The following BCL11B variants were observed in gnomAD, a reference collection of about 807,000 sequenced individuals.
BCL11B encodes the protein BCL11 transcription factor B.
BCL11B carries 8 observed loss-of-function variants against 49.9 expected under a neutral mutation model. The ratio of observed to expected loss-of-function variants is 0.16; its 90% CI spans 0.09 to 0.29. The LOEUF (loss-of-function observed/expected upper bound fraction) is 0.29, where lower values mean the gene tolerates loss of function less well. Ranked by LOEUF, BCL11B falls within the 10% of genes least tolerant of loss-of-function variation. The pLI is 1.00. For synonymous variants in BCL11B, 739 were observed against 637.4 expected, an observed-to-expected ratio of 1.16 and a Z score of -2.40; for missense variants, 1,006 against 1,351.0, an observed-to-expected ratio of 0.74 and a Z score of 4.00.
Position 99,255,423 on chromosome 14 carries a change from A to C in BCL11B, c.427+2048T>G, listed in dbSNP as rs1440760363. Among the ~76,000 whole-genome samples the C allele has an allele frequency of 1.5e-4, 23 of 149,408 alleles. No individual in the cohort carries two copies. In the East Asian group the frequency reaches 1.7e-3, roughly 11 times the overall value. ...CAACCTGGAAAAAAAAAAAAAAAAA[A>C]AAAAAAAAAAAACAGGGGGGCCAGG... On this transcript the variant is annotated intron_variant, in intron 2 of 3. Transcript: ENST00000357195.
chr14:99,271,316 C>A lies in BCL11B; in HGVS notation c.-98G>T. The A allele has an allele frequency of 1.7e-6, 1 of 596,934 alleles. No individual in the cohort carries two copies. Among genetic ancestry groups the A allele is most frequent in the Non-Finnish European group, 2.3e-6 (1 of 441,526 alleles). 37.0% of individuals were successfully genotyped at this position (596,934 alleles called of 1,614,324 possible). A position where few individuals can be genotyped will look rare whatever the true frequency, so the allele number is the denominator to read the frequency against. On this transcript the variant is annotated 5_prime_UTR_variant, in exon 1 of 4. Transcript: ENST00000357195. Reference sequence around the variant, plus strand: ...CGCCGCCGCGCCGCTGCCGCCGCTGCCGCCGCCGCCGCCGCCGCCGCACCT... The same window carrying A: ...CGCCGCCGCGCCGCTGCCGCCGCTGACGCCGCCGCCGCCGCCGCCGCACCT...
intron 3 of BCL11B, among the ~76,000 whole-genome samples, chr14:99,198,455 G>T (rs1417400788): frequency 6.6e-6 from 1 of 152,176 alleles, no homozygotes; most frequent in African/African-American, 2.4e-5. Flanking sequence ...GAAGTGCCCT[G>T]ACATCATTAT....
rs568157680 is a variant in BCL11B at position 99,213,212 on chromosome 14, C to T, written c.640+18133G>A. ...GACCATGCCCAGGCTCTCGATGAGC[C>T]CCTGGAATGAAGAAGGGAGCCCCGG... On this transcript the variant is annotated intron_variant, in intron 3 of 3. Transcript: ENST00000357195. The surrounding 1 kb of genome is among the most constrained non-coding windows in gnomAD (Gnocchi z 5.1). Among the ~76,000 whole-genome samples, 41 of 152,170 alleles carry T rather than the reference C, an allele frequency of 2.7e-4. 1 individual carries two copies. The South Asian group carries it at 3.3e-3, about 12-fold the overall frequency.
At chr14:99,264,452 A>T (rs2139969068) in intron 1 of BCL11B, 1 of 152,324 alleles carries the variant, frequency 6.6e-6, no homozygotes, top group African/African-American at 2.4e-5. Context: ...TTTCAATAAA[A>T]TAAGTGGAAG....
intron 3 of BCL11B, among the ~76,000 whole-genome samples, chr14:99,176,890 A>G (rs900839822): frequency 1.3e-5 from 2 of 152,128 alleles, no homozygotes; most frequent in African/African-American, 4.8e-5. Context: ...GTTGTACAGA[A>G]ACACAAATCA....
chr14:99,216,569 C>T lies in BCL11B; in HGVS notation c.640+14776G>A, dbSNP rs573222882. Among the ~76,000 whole-genome samples the T allele has an allele frequency of 8.5e-5, 13 of 152,274 alleles. No individual in the cohort carries two copies. The South Asian group carries it at 2.7e-3, about 32-fold the overall frequency. ...GAGATTGGGGGCGGGGGCTCAGTCT[C>T]CCCCAGGAGGTACTAAGAAGGTGAA... On this transcript the variant is annotated intron_variant, in intron 3 of 3. Transcript: ENST00000357195.
chr14:99,176,702 C>T (rs1028869321), intron 3 of BCL11B, among the ~76,000 whole-genome samples: 2 of 152,072 alleles, frequency 1.3e-5, no homozygotes, highest in African/African-American at 4.8e-5. Flanking sequence ...CTGCGCATTG[C>T]AGGATGTTTA....
At chr14:99,251,462 A>G (rs1889005220) in intron 2 of BCL11B, among the ~76,000 whole-genome samples, 1 of 152,236 alleles carries the variant, frequency 6.6e-6, no homozygotes, top group Admixed American at 6.5e-5. Flanking sequence ...ACAGTCACAT[A>G]GCAAGACCCT....
chr14:99,176,381 C>T (rs748400936), intron 3 of BCL11B, among the ~76,000 whole-genome samples, 186 bp from the exon 4 acceptor site: 66 of 152,276 alleles, frequency 4.3e-4, no homozygotes, highest in Non-Finnish European at 7.4e-4. Flanking sequence ...GCTGGGGGGC[C>T]GAAGACGCAG....
chr14:99,190,453 A>G (rs1045589606), intron 3 of BCL11B, among the ~76,000 whole-genome samples: 1 of 152,262 alleles, frequency 6.6e-6, no homozygotes, highest in African/African-American at 2.4e-5. Flanking sequence ...GCACCATTGC[A>G]CTCCAGCCTG....
Position 99,231,348 on chromosome 14 carries a change from A to G in BCL11B, c.637T>C (p.Ser213Pro). ...EAPFGCQCQL[S>P]GKDEPSSYIC... ...CCACCGCGGCGTCGTCTGTTACCTG[A>G]CAACTGACACTGGCATCCAAAGGGA... The change falls in exon 3 of 4, where the codon TCA becomes CCA. Residue 213 changes from serine to proline, a missense_variant. Physicochemically the swap from Ser to Pro is moderately conservative, Grantham distance 74. Transcript: ENST00000357195. This position sits in a 1 kb window ranked among gnomAD's most constrained non-coding sequence, Gnocchi z 8.1. The G allele has an allele frequency of 6.2e-7, 1 of 1,609,642 alleles. No homozygotes were observed. The highest frequency in any genetic ancestry group is 8.5e-7 in the Non-Finnish European group (1 of 1,178,810).
intron 2 of BCL11B, among the ~76,000 whole-genome samples, chr14:99,235,988 C>G (rs1253312175): frequency 6.6e-6 from 1 of 152,090 alleles, no homozygotes; most frequent in African/African-American, 2.4e-5. Context: ...TTGGCTTTTA[C>G]TGCAGGGTAA....
chr14:99,203,305 C>T (rs1006072322), intron 3 of BCL11B, among the ~76,000 whole-genome samples: 2 of 152,170 alleles, frequency 1.3e-5, no homozygotes, highest in Admixed American at 6.5e-5. Flanking sequence ...GGAAATAACC[C>T]GTGAAGCCCC....
At chr14:99,218,463 G>A (rs2139860253) in intron 3 of BCL11B, among the ~76,000 whole-genome samples, 1 of 152,192 alleles carries the variant, frequency 6.6e-6, no homozygotes, top group Non-Finnish European at 1.5e-5. Context: ...GGGGCCACAT[G>A]TGACCACACT....
chr14:99,193,031 A>T (rs1352792514), intron 3 of BCL11B, among the ~76,000 whole-genome samples: 1 of 152,172 alleles, frequency 6.6e-6, no homozygotes, highest in Non-Finnish European at 1.5e-5. Flanking sequence ...ATGAGATGGG[A>T]CCGCTCATGA....
chr14:99,217,683 G>A (rs544554284), intron 3 of BCL11B, among the ~76,000 whole-genome samples: 1 of 152,146 alleles, frequency 6.6e-6, no homozygotes, highest in Admixed American at 6.5e-5. Context: ...GGGTAGCCAG[G>A]ACACCCCAGG....
intron 3 of BCL11B, among the ~76,000 whole-genome samples, chr14:99,219,316 G>A (rs1469683370): frequency 6.6e-6 from 1 of 152,144 alleles, no homozygotes; most frequent in Non-Finnish European, 1.5e-5. Context: ...TTACAGGCGT[G>A]AGCCACCGCA....
intron 3 of BCL11B, among the ~76,000 whole-genome samples, chr14:99,221,519 C>A (rs578149704): frequency 3.3e-5 from 5 of 152,350 alleles, no homozygotes; most frequent in Admixed American, 6.5e-5. Flanking sequence ...CTGTGATTCA[C>A]AAGCTCACTC....
chr14:99,178,617 G>A (rs2664314), intron 3 of BCL11B, among the ~76,000 whole-genome samples: 99,185 of 152,120 alleles, frequency 0.65, 33,567 homozygotes, highest in South Asian at 0.8. Context: ...CAGCCTCATA[G>A]GAGAGCTGGC....
Sources: allele counts gnomAD v4.1 joint callset (sites outside exome capture counted in the v4.1 genomes callset), GRCh38; gene constraint gnomAD v4.1.1; non-coding constraint Gnocchi (gnomAD v3.1); transcripts MANE v1.5; gene names NCBI Gene and HGNC (gene_info 2026-07-23, HGNC 2026-07-21).